The following COMMD7 variants were observed in gnomAD, a reference collection of about 807,000 sequenced individuals.
The protein encoded by COMMD7 is COMM domain-containing protein 7.
Under a neutral mutation model 34.8 loss-of-function variants are expected in COMMD7, and 28 were observed. The ratio of observed to expected loss-of-function variants is 0.80; its 90% CI spans 0.60 to 1.10. The LOEUF (loss-of-function observed/expected upper bound fraction) is 1.10, where lower values mean the gene tolerates loss of function less well. Among genes scored for constraint, COMMD7 ranks in the 50% least tolerant of loss-of-function variants. The pLI, the probability that COMMD7 is intolerant of heterozygous loss-of-function variation, is 0.00. For missense variants in COMMD7, 211 were observed against 241.6 expected, an observed-to-expected ratio of 0.87 and a Z score of 0.84; for synonymous variants, 80 against 86.4, an observed-to-expected ratio of 0.93 and a Z score of 0.41.
chr20:32,743,231 C>CCGCCGT, intron 1 of COMMD7, 77 bp downstream of exon 1: 1 of 871,806 alleles, frequency 1.1e-6, no homozygotes, highest in Non-Finnish European at 1.7e-6. Flanking sequence ...CGCGCACCCC[C>CCGCCGT]GGACGTCCCC....
At position 32,714,786 on chromosome 20, in the gene COMMD7, T is replaced by C. The variant is rs182060087; in HGVS notation, c.242-8026A>G. 3.2e-3 allele frequency among the ~76,000 whole-genome samples: 478 copies of C among 151,610 alleles called. 7 individuals are homozygous for C. In the South Asian group the frequency reaches 0.033, roughly 10 times the overall value. On this transcript the variant is annotated intron_variant, in intron 3 of 8. Coordinates refer to ENST00000278980, the MANE Select transcript of COMMD7 (RefSeq NM_053041.3). ...TTGTAGTGAGCCGAGATCGTACCACTGCACTCCAGCCTGGGCAACAGAGTG... is the reference window on the plus strand; with the variant it reads ...TTGTAGTGAGCCGAGATCGTACCACCGCACTCCAGCCTGGGCAACAGAGTG...
chr20:32,739,501 A>G (rs958965946), intron 1 of COMMD7, among the ~76,000 whole-genome samples: 5 of 151,550 alleles, frequency 3.3e-5, no homozygotes, highest in Admixed American at 2.0e-4. Flanking sequence ...AAAAATTAGC[A>G]GGGAGTAGTG....
chr20:32,709,679 T>A (rs1015688156), intron 3 of COMMD7, among the ~76,000 whole-genome samples: 1 of 152,208 alleles, frequency 6.6e-6, no homozygotes, highest in Non-Finnish European at 1.5e-5. Context: ...ACACCCTGCA[T>A]GCTCTGGCCT....
At chr20:32,721,200 G>A (rs1020212039) in intron 3 of COMMD7, among the ~76,000 whole-genome samples, 6 of 152,200 alleles carry the variant, frequency 3.9e-5, no homozygotes, top group Admixed American at 1.3e-4. Flanking sequence ...GGCCAAGTGC[G>A]GTGGCTCATG....
Position 32,703,939 on chromosome 20 carries a change from C to T in COMMD7, c.526+84G>A, listed in dbSNP as rs117612558. On this transcript the variant is annotated intron_variant, in intron 8 of 8. Transcript: ENST00000278980. ...TGGCAATGACTGTTTTTATAGAAGA[C>T]ATGATTTGTGGTGAGCGTCACCAGC... The T allele has an allele frequency of 1.7e-4, 280 of 1,603,778 alleles. 2 individuals are homozygous for T. The East Asian group carries it at 5.8e-3, about 33-fold the overall frequency.
At chr20:32,722,727 A>C (rs941569541) in intron 3 of COMMD7, among the ~76,000 whole-genome samples, 7 of 150,618 alleles carry the variant, frequency 4.6e-5, no homozygotes, top group Non-Finnish European at 1.0e-4. Context: ...CAGGAAAAAA[A>C]AAAAAAAGAC....
intron 3 of COMMD7, among the ~76,000 whole-genome samples, chr20:32,707,211 G>A (rs1455134903): frequency 6.7e-6 from 1 of 148,738 alleles, no homozygotes; most frequent in Non-Finnish European, 1.5e-5. Flanking sequence ...GTGAACCCGG[G>A]AGGCGGAGCT....
intron 3 of COMMD7, among the ~76,000 whole-genome samples, chr20:32,707,181 G>T (rs1363826581): frequency 2.0e-5 from 3 of 148,884 alleles, no homozygotes; most frequent in African/African-American, 7.3e-5. Context: ...CTACTCGGGA[G>T]GCTGAGGCAG....
At chr20:32,703,539 A>ATT in intron 8 of COMMD7, 81 bp from the exon 9 acceptor site, 1 of 1,486,158 alleles carries the variant, frequency 6.7e-7, no homozygotes. Context: ...CACCCGGAGG[A>ATT]TTTTTTTTTT....
Position 32,706,565 on chromosome 20 carries a change from G to T in COMMD7, c.336+18C>A. On this transcript the variant is annotated intron_variant, in intron 5 of 8. Coordinates refer to ENST00000278980, the MANE Select transcript of COMMD7 (RefSeq NM_053041.3). The stretch of plus-strand genomic sequence containing the variant: ...GGGATCTTAATCAGCCATTAACCTT[G>T]ATTAAGAGGAATTATACCTTTTCAG... The T allele has an allele frequency of 6.3e-7, 1 of 1,581,080 alleles. No individual in the cohort carries two copies. Among genetic ancestry groups the T allele is most frequent in the Non-Finnish European group, 8.7e-7 (1 of 1,152,238 alleles).
At chr20:32,723,036 TAAATAAATA>T (rs1555806261) in intron 3 of COMMD7, among the ~76,000 whole-genome samples, 12 of 15,370 alleles carry the variant, frequency 7.8e-4, no homozygotes, top group Non-Finnish European at 1.2e-3. Flanking sequence ...AATAAATAAA[TAAATAAATA>T]AATAATAATA....
chr20:32,729,231 T>TG (rs1271716009), intron 1 of COMMD7, among the ~76,000 whole-genome samples: 1 of 149,780 alleles, frequency 6.7e-6, no homozygotes, highest in African/African-American at 2.5e-5. Flanking sequence ...TGCAGTGGTG[T>TG]GATGTTGGCT....
chr20:32,739,205 G>A (rs563996493), intron 1 of COMMD7, among the ~76,000 whole-genome samples: 1 of 152,236 alleles, frequency 6.6e-6, no homozygotes, highest in Non-Finnish European at 1.5e-5. Context: ...AGTGGCTCAT[G>A]CCTGTAATTC....
intron 1 of COMMD7, among the ~76,000 whole-genome samples, chr20:32,728,789 C>T (rs1341411253): frequency 6.6e-6 from 1 of 151,924 alleles, no homozygotes; most frequent in Non-Finnish European, 1.5e-5. Flanking sequence ...TGGTCTCAAA[C>T]TCCTGGGCTC....
intron 5 of COMMD7, 26 bp from the exon 6 acceptor site, chr20:32,704,930 C>A (rs1312906623): frequency 1.3e-6 from 2 of 1,539,870 alleles, no homozygotes; most frequent in South Asian, 2.2e-5. Context: ...AAGACAAAGT[C>A]AATTACAATA....
Position 32,706,578 on chromosome 20 carries a change from T to A in COMMD7, c.336+5A>T. The A allele has an allele frequency of 6.2e-7, 1 of 1,603,028 alleles. No homozygotes were observed. The highest frequency in any genetic ancestry group is 8.5e-7 in the Non-Finnish European group (1 of 1,170,494). On this transcript the variant is annotated splice_donor_5th_base_variant and intron_variant, in intron 5 of 8. Transcript: ENST00000278980. Reference sequence around the variant, plus strand: ...GCCATTAACCTTGATTAAGAGGAATTATACCTTTTCAGAAAAGTAAGTGGC... The same window carrying A: ...GCCATTAACCTTGATTAAGAGGAATAATACCTTTTCAGAAAAGTAAGTGGC...
intron 3 of COMMD7, among the ~76,000 whole-genome samples, chr20:32,712,523 A>G (rs1025716056): frequency 6.6e-6 from 1 of 151,092 alleles, no homozygotes; most frequent in African/African-American, 2.4e-5. Context: ...AAAAAAAAAA[A>G]ACCTAGGTGA....
chr20:32,734,180 C>CAA lies in COMMD7; in HGVS notation c.85-6040_85-6039dup, dbSNP rs1208862092. 4.3e-3 allele frequency among the ~76,000 whole-genome samples: 344 copies of CAA among 79,840 alleles called. 2 individuals carry two copies. Among genetic ancestry groups the CAA allele is most frequent in the African/African-American group, 0.017 (323 of 19,444 alleles). 52.4% of individuals were successfully genotyped at this position (79,840 alleles called of 152,430 possible). The stretch of plus-strand genomic sequence containing the variant: ...TGGGCAACAGAGCGAGACTCCGTCA[C>CAA]AAAAAAAAAAAAAAAAAAGTGCCGT... On this transcript the variant is annotated intron_variant, in intron 1 of 8. Transcript: ENST00000278980.
chr20:32,709,831 C>A (rs1199899905), intron 3 of COMMD7, among the ~76,000 whole-genome samples: 1 of 152,016 alleles, frequency 6.6e-6, no homozygotes, highest in Non-Finnish European at 1.5e-5. Context: ...TTCTGCCTGA[C>A]TCTTACCTCC....
Sources: allele counts gnomAD v4.1 joint callset (sites outside exome capture counted in the v4.1 genomes callset), GRCh38; gene constraint gnomAD v4.1.1; transcripts MANE v1.5; gene names NCBI Gene and HGNC (gene_info 2026-07-23, HGNC 2026-07-21).